The following CLTC variants were observed in gnomAD, a reference collection of about 807,000 sequenced individuals.
CLTC encodes clathrin heavy chain 1.
In CLTC, 16 loss-of-function variants were observed where a neutral mutation model predicts 195.8. The ratio of observed to expected loss-of-function variants is 0.08; its 90% CI spans 0.06 to 0.12. The LOEUF is 0.12. CLTC is among the 10% of genes least tolerant of loss of function. CLTC has a pLI of 1.00. For synonymous variants in CLTC, 667 were observed against 689.4 expected, an observed-to-expected ratio of 0.97 and a Z score of 0.51; for missense variants, 796 against 2,027.0, an observed-to-expected ratio of 0.39 and a Z score of 11.66.
intron 5 of CLTC, among the ~76,000 whole-genome samples, chr17:59,653,719 C>T (rs528644863): frequency 4.6e-5 from 7 of 151,298 alleles, no homozygotes; most frequent in Middle Eastern, 3.5e-3. Context: ...CATGCCAGTA[C>T]GCCTGGCTAC....
At chr17:59,656,897 C>A (rs2032484336) in intron 6 of CLTC, among the ~76,000 whole-genome samples, 3 of 151,954 alleles carry the variant, frequency 2.0e-5, no homozygotes, top group African/African-American at 7.2e-5. Context: ...TGGTCTCAAA[C>A]TCCTGACCTT....
rs2033090937 is a variant in CLTC at position 59,681,971 on chromosome 17, TAA to T, written c.3442+136_3442+137del. Reference sequence around the variant, plus strand: ...TTTTAGTGCTCCATCTTAGTCCAGATAAAAAGAGGCTGTATTTTGTGAATTTG... The same window carrying T: ...TTTTAGTGCTCCATCTTAGTCCAGATAAAGAGGCTGTATTTTGTGAATTTG... On this transcript the variant is annotated intron_variant, in intron 21 of 31. Transcript: ENST00000269122. This position sits in a 1 kb window ranked among gnomAD's most constrained non-coding sequence, Gnocchi z 5.0. 2 of 816,276 alleles carry T rather than the reference TAA, an allele frequency of 2.5e-6. No individual in the cohort carries two copies. Among genetic ancestry groups the T allele is most frequent in the Admixed American group, 3.0e-5 (1 of 32,832 alleles). 50.6% of individuals were successfully genotyped at this position (816,276 alleles called of 1,614,324 possible).
Position 59,681,560 on chromosome 17 carries a change from C to T in CLTC, c.3249+82C>T, listed in dbSNP as rs2033081964. 3 of 1,563,470 alleles carry T rather than the reference C, an allele frequency of 1.9e-6. No homozygotes were observed. In the East Asian group the frequency reaches 6.8e-5, roughly 35 times the overall value. ...CTAATTGGTTGCTACGGCAATAGAG[C>T]AGCAATAAAATACTAACAGCTTAAA... On this transcript the variant is annotated intron_variant, in intron 20 of 31. Transcript: ENST00000269122. The surrounding 1 kb of genome is among the most constrained non-coding windows in gnomAD (Gnocchi z 5.0).
chr17:59,639,550 AG>A (rs1393715365), intron 1 of CLTC, among the ~76,000 whole-genome samples: 2 of 152,222 alleles, frequency 1.3e-5, no homozygotes, highest in Non-Finnish European at 2.9e-5. Context: ...ATGTAGCTGT[AG>A]TTTGGATACA....
chr17:59,623,302 C>T (rs1285168093), intron 1 of CLTC, among the ~76,000 whole-genome samples: 1 of 152,188 alleles, frequency 6.6e-6, no homozygotes, highest in Non-Finnish European at 1.5e-5. Context: ...TTACTACATG[C>T]TTAGTTGTAC....
rs1465795700 is a variant in CLTC, at chr17:59,696,022, T to C, written c.*2170T>C. On this transcript the variant is annotated 3_prime_UTR_variant, in exon 32 of 32. Coordinates refer to ENST00000269122, the MANE Select transcript of CLTC (RefSeq NM_004859.4). Reference sequence around the variant, plus strand: ...AGTATTCCTTTTAGTAGATATGCCATGACAGTTACTTAGCCACCCCATGCC... The same window carrying C: ...AGTATTCCTTTTAGTAGATATGCCACGACAGTTACTTAGCCACCCCATGCC... 1 of 207,004 alleles carries C rather than the reference T, an allele frequency of 4.8e-6. No homozygotes were observed. The highest frequency in any genetic ancestry group is 7.4e-5 in the East Asian group (1 of 13,562). The allele number at this position is 207,004 out of a possible 1,614,324, so 12.8% of individuals were successfully genotyped here.
intron 31 of CLTC, among the ~76,000 whole-genome samples, chr17:59,691,652 TATATA>T (rs923379432): frequency 6.9e-6 from 1 of 144,150 alleles, no homozygotes; most frequent in African/African-American, 2.6e-5. Context: ...TATATATACA[TATATA>T]TATATATAAC....
chr17:59,628,963 A>G (rs894766838), intron 1 of CLTC, among the ~76,000 whole-genome samples: 1 of 152,060 alleles, frequency 6.6e-6, no homozygotes, highest in African/African-American at 2.4e-5. Context: ...TGCCTGGCCA[A>G]CTTGCATTTA....
chr17:59,650,983 C>T (rs4968389), intron 4 of CLTC, among the ~76,000 whole-genome samples: 86,232 of 151,996 alleles, frequency 0.57, 28,171 homozygotes, highest in Non-Finnish European at 0.74. Context: ...AGTATGTGAC[C>T]TTTTAAGATT....
chr17:59,620,506 AG>A (rs1185899105), intron 1 of CLTC, among the ~76,000 whole-genome samples: 2 of 151,358 alleles, frequency 1.3e-5, no homozygotes, highest in Non-Finnish European at 2.9e-5. Flanking sequence ...GGGGAGTGGG[AG>A]GGGGATTCTC....
chr17:59,656,200 A>T (rs887038558), intron 6 of CLTC, 173 bp downstream of exon 6: 2 of 553,214 alleles, frequency 3.6e-6, no homozygotes, highest in African/African-American at 3.9e-5. Context: ...AATAATATAT[A>T]TCAAAGCACG....
chr17:59,641,380 A>AC (rs2032027648), intron 1 of CLTC, among the ~76,000 whole-genome samples: 1 of 151,932 alleles, frequency 6.6e-6, no homozygotes, highest in African/African-American at 2.4e-5. Context: ...AGGCAGGTGG[A>AC]CCATGAGGTC....
chr17:59,681,850 T>C lies in CLTC; in HGVS notation c.3442+11T>C. The C allele has an allele frequency of 1.9e-6, 3 of 1,595,018 alleles. No individual in the cohort carries two copies. Among genetic ancestry groups the C allele is most frequent in the South Asian group, 1.1e-5 (1 of 89,252 alleles). ...CTGCCAATACTAGTGGTATGACTTC[T>C]TACCTTATGTATTGAAACCTCATAA... On this transcript the variant is annotated intron_variant, in intron 21 of 31. Coordinates refer to ENST00000269122, the MANE Select transcript of CLTC (RefSeq NM_004859.4). The surrounding 1 kb of genome is among the most constrained non-coding windows in gnomAD (Gnocchi z 5.0).
chr17:59,687,703 A>G (rs1435968613), intron 30 of CLTC, among the ~76,000 whole-genome samples: 1 of 152,136 alleles, frequency 6.6e-6, no homozygotes, highest in East Asian at 1.9e-4. Flanking sequence ...AATTGTTGCT[A>G]AGCAACATGA....
In CLTC at chr17:59,648,428, T is replaced by A; in HGVS notation, c.681+27T>A. The A allele has an allele frequency of 6.3e-7, 1 of 1,596,996 alleles. No homozygotes were observed. The highest frequency in any genetic ancestry group is 8.6e-7 in the Non-Finnish European group (1 of 1,168,712). ...TAAGTTTTGGCTTTGGTAATTATTT[T>A]AATGAGAACTTGTATTTGGCTTTCT... On this transcript the variant is annotated intron_variant, in intron 4 of 31. Coordinates refer to ENST00000269122, the MANE Select transcript of CLTC (RefSeq NM_004859.4). The surrounding 1 kb of genome is among the most constrained non-coding windows in gnomAD (Gnocchi z 4.5).
intron 1 of CLTC, among the ~76,000 whole-genome samples, chr17:59,625,954 G>A (rs1598198834): frequency 6.6e-6 from 1 of 152,104 alleles, no homozygotes; most frequent in African/African-American, 2.4e-5. Flanking sequence ...AGTACTTTAC[G>A]TAGCATTTTA....
intron 14 of CLTC, among the ~76,000 whole-genome samples, chr17:59,671,467 A>C (rs1330507840): frequency 6.6e-6 from 1 of 152,150 alleles, no homozygotes; most frequent in African/African-American, 2.4e-5. Flanking sequence ...TTGAATATTC[A>C]AGTGCCAATT....
intron 14 of CLTC, among the ~76,000 whole-genome samples, chr17:59,669,972 A>T (rs2032810860): frequency 6.6e-6 from 1 of 152,174 alleles, no homozygotes; most frequent in East Asian, 1.9e-4. Flanking sequence ...TAGTGTAATG[A>T]AGTAGTCAAA....
intron 10 of CLTC, 115 bp from the exon 11 acceptor site, chr17:59,665,988 A>G: frequency 1.4e-6 from 1 of 695,752 alleles, no homozygotes; most frequent in Non-Finnish European, 2.3e-6. Flanking sequence ...ATTTGTTCTT[A>G]AGTGTTTATA....
Sources: gnomAD v4.1 joint callset for allele counts (sites outside exome capture counted in the v4.1 genomes callset) on GRCh38, gnomAD v4.1.1 for gene constraint, Gnocchi (gnomAD v3.1) non-coding constraint, MANE v1.5 for transcripts, NCBI Gene and HGNC (gene_info 2026-07-23, HGNC 2026-07-21) for gene names.